The following SENP6 variants were observed in gnomAD, a reference collection of about 807,000 sequenced individuals.
The protein encoded by SENP6 is SUMO specific peptidase 6.
SENP6 carries 41 observed loss-of-function variants against 134.5 expected under a neutral mutation model. That is an observed-to-expected ratio of 0.30 (90% CI 0.24 to 0.40). SENP6 has a LOEUF of 0.40. Ranked by LOEUF, SENP6 falls within the 10% of genes least tolerant of loss-of-function variation. The pLI, the probability that SENP6 is intolerant of heterozygous loss-of-function variation, is 1.00. For missense variants in SENP6, 1,248 were observed against 1,312.5 expected, an observed-to-expected ratio of 0.95 and a Z score of 0.76; for synonymous variants, 395 against 429.8, an observed-to-expected ratio of 0.92 and a Z score of 1.00.
At chr6:75,671,405 C>G (rs539563959) in intron 11 of SENP6, among the ~76,000 whole-genome samples, 19 of 152,140 alleles carry the variant, frequency 1.2e-4, no homozygotes, top group African/African-American at 4.1e-4. Context: ...TGATATTGTC[C>G]TTTTTACATA....
intron 16 of SENP6, among the ~76,000 whole-genome samples, chr6:75,693,958 A>G (rs9341532): frequency 0.2 from 29,713 of 152,090 alleles, 3,344 homozygotes; most frequent in African/African-American, 0.3. Flanking sequence ...AACTAAGGCA[A>G]TAAAAACTTA....
intron 9 of SENP6, among the ~76,000 whole-genome samples, chr6:75,664,495 A>G (rs1030539180): frequency 4.6e-5 from 7 of 152,116 alleles, no homozygotes; most frequent in Non-Finnish European, 1.0e-4. Flanking sequence ...AGATACCCTT[A>G]TTGTCCCTAA....
At chr6:75,703,093 A>G in intron 19 of SENP6, 21 bp downstream of exon 19, 42 of 1,507,486 alleles carry the variant, frequency 2.8e-5, no homozygotes, top group Non-Finnish European at 3.7e-5. Context: ...AAATGTTTTG[A>G]AAGAATGAAA....
intron 1 of SENP6, chr6:75,611,140 G>C (rs1405737280): frequency 1.3e-5 from 2 of 152,134 alleles, no homozygotes; most frequent in Non-Finnish European, 2.9e-5. Context: ...CAAGATGAAG[G>C]TACTACTTAA....
intron 6 of SENP6, among the ~76,000 whole-genome samples, chr6:75,643,683 C>A (rs948632718): frequency 6.6e-6 from 1 of 152,138 alleles, no homozygotes; most frequent in African/African-American, 2.4e-5. Flanking sequence ...GATAGTGCCA[C>A]TGCACTCCAG....
rs1447751932 is a variant in SENP6, at chr6:75,690,246, A to G, written c.2076-5558A>G. Among the ~76,000 whole-genome samples, 3 of 152,202 alleles carry G rather than the reference A, an allele frequency of 2.0e-5. No individual in the cohort carries two copies. In the East Asian group the frequency reaches 5.8e-4, roughly 29 times the overall value. ...GTCTTGAAGACATATTTGCACACCC[A>G]TGTTCATAACAGCATTCATAATAGC... On this transcript the variant is annotated intron_variant, in intron 16 of 23. Transcript: ENST00000447266.
intron 3 of SENP6, among the ~76,000 whole-genome samples, chr6:75,625,610 A>G (rs1768623279): frequency 6.6e-6 from 1 of 152,232 alleles, no homozygotes; most frequent in Admixed American, 6.5e-5. Context: ...GGCTTATGCC[A>G]GTAATCCCAA....
intron 16 of SENP6, among the ~76,000 whole-genome samples, chr6:75,694,863 GT>G (rs753854282): frequency 2.0e-5 from 3 of 151,504 alleles, no homozygotes; most frequent in African/African-American, 7.3e-5. Context: ...TGTGCCCTTG[GT>G]TTTTTTTAAT....
chr6:75,675,490 T>A, intron 12 of SENP6, 22 bp downstream of exon 12: 1 of 1,397,826 alleles, frequency 7.2e-7, no homozygotes, highest in Non-Finnish European at 9.9e-7. Flanking sequence ...TATGTCTTTT[T>A]ACTTACCAAA....
chr6:75,699,176 T>G (rs1360161579), intron 18 of SENP6, among the ~76,000 whole-genome samples: 1 of 152,084 alleles, frequency 6.6e-6, no homozygotes, highest in East Asian at 1.9e-4. Flanking sequence ...ATTATTTGAT[T>G]ATACACGATT....
At chr6:75,618,956 T>G (rs1156414256) in intron 1 of SENP6, among the ~76,000 whole-genome samples, 1 of 151,974 alleles carries the variant, frequency 6.6e-6, no homozygotes, top group East Asian at 1.9e-4. Context: ...TTTTCAGGCT[T>G]GCATTGAAGT....
At chr6:75,618,885 C>T (rs2149826697) in intron 1 of SENP6, among the ~76,000 whole-genome samples, 1 of 151,874 alleles carries the variant, frequency 6.6e-6, no homozygotes, top group Non-Finnish European at 1.5e-5. Flanking sequence ...TTCATGTATA[C>T]TGATGGTTTG....
chr6:75,652,174 C>T (rs9352233), intron 7 of SENP6, among the ~76,000 whole-genome samples: 1 of 151,476 alleles, frequency 6.6e-6, no homozygotes, highest in Admixed American at 6.6e-5. Flanking sequence ...GAGACCATAT[C>T]TCAGAAAAAT....
chr6:75,705,925 C>CGTTT (rs1775371821), intron 19 of SENP6, among the ~76,000 whole-genome samples: 2 of 47,942 alleles, frequency 4.2e-5, no homozygotes, highest in African/African-American at 2.2e-4. Context: ...ATTTTTGAGC[C>CGTTT]TTTTTTTTTT....
At chr6:75,661,743 A>G (rs1274198295) in intron 8 of SENP6, among the ~76,000 whole-genome samples, 1 of 152,108 alleles carries the variant, frequency 6.6e-6, no homozygotes, top group Non-Finnish European at 1.5e-5. Flanking sequence ...ACTATGTACC[A>G]CTTGTAAGAA....
chr6:75,613,246 T>C (rs140113379), intron 1 of SENP6, among the ~76,000 whole-genome samples: 5 of 152,194 alleles, frequency 3.3e-5, no homozygotes, highest in African/African-American at 1.2e-4. Context: ...AGAAGAATGT[T>C]TCATGACACA....
chr6:75,700,380 T>C (rs1774945775), intron 18 of SENP6, among the ~76,000 whole-genome samples: 1 of 152,266 alleles, frequency 6.6e-6, no homozygotes, highest in Non-Finnish European at 1.5e-5. Flanking sequence ...TAGGTGAGGA[T>C]ATTTGTAGCT....
At chr6:75,703,299 A>T (rs568340475) in intron 19 of SENP6, among the ~76,000 whole-genome samples, 17 of 152,218 alleles carry the variant, frequency 1.1e-4, no homozygotes, top group Admixed American at 8.5e-4. Context: ...CCAACAAAAA[A>T]AAATAAATAG....
chr6:75,659,314 T>A lies in SENP6; in HGVS notation c.603T>A (p.Ile201=), dbSNP rs1179025971. 4 of 1,612,656 alleles carry A rather than the reference T, an allele frequency of 2.5e-6. No homozygotes were observed. Among genetic ancestry groups the A allele is most frequent in the Non-Finnish European group, 3.4e-6 (4 of 1,178,854 alleles). Residue 201 remains isoleucine (I), a synonymous_variant, in exon 8 of 24, where the codon ATT becomes ATA. Transcript: ENST00000447266. ...EESESQVEPE[I]KRKVQQKRHC... ...CCGAATCACAAGTGGAGCCTGAAAT[T>A]AAGAGGAAAGTACAACAGAAACGAC...
Sources: gnomAD v4.1 joint callset for allele counts (sites outside exome capture counted in the v4.1 genomes callset) on GRCh38, gnomAD v4.1.1 for gene constraint, MANE v1.5 for transcripts, NCBI Gene and HGNC (gene_info 2026-07-23, HGNC 2026-07-21) for gene names.